Variants in ATRNL1 observed in about 807,000 individuals in gnomAD.
The protein encoded by ATRNL1 is attractin-like protein 1.
In ATRNL1, 95 loss-of-function variants were observed where a neutral mutation model predicts 182.7. The observed-to-expected ratio is 0.52, with a 90% confidence interval of 0.44 to 0.62. The LOEUF (loss-of-function observed/expected upper bound fraction) is 0.62, where lower values mean the gene tolerates loss of function less well. Ranked by LOEUF, ATRNL1 falls within the 20% of genes least tolerant of loss-of-function variation. ATRNL1 has a pLI of 0.00. For missense variants in ATRNL1, 1,471 were observed against 1,679.5 expected, an observed-to-expected ratio of 0.88 and a Z score of 2.17; for synonymous variants, 576 against 568.3, an observed-to-expected ratio of 1.01 and a Z score of -0.19.
intron 27 of ATRNL1, among the ~76,000 whole-genome samples, chr10:115,806,907 C>G (rs115017984): frequency 0.016 from 2,471 of 152,214 alleles, 81 homozygotes; most frequent in African/African-American, 0.057. Context: ...CAGCAATTAG[C>G]ATCTGTTTTT....
intron 25 of ATRNL1, among the ~76,000 whole-genome samples, chr10:115,541,279 C>A (rs1554991908): frequency 6.6e-6 from 1 of 151,624 alleles, no homozygotes; most frequent in East Asian, 1.9e-4. Context: ...CAAAAGAAGA[C>A]ATCCAAGTGT....
chr10:115,098,530 C>G (rs1372861268), intron 1 of ATRNL1, among the ~76,000 whole-genome samples: 1 of 140,364 alleles, frequency 7.1e-6, no homozygotes, highest in Admixed American at 7.7e-5. Flanking sequence ...GGCGCAATCT[C>G]GGCTCACTGC....
intron 27 of ATRNL1, among the ~76,000 whole-genome samples, chr10:115,816,113 A>G (rs1950158814): frequency 6.6e-6 from 1 of 152,184 alleles, no homozygotes; most frequent in African/African-American, 2.4e-5. Context: ...CATCAGTGTT[A>G]TCACTGAAAT....
intron 28 of ATRNL1, among the ~76,000 whole-genome samples, chr10:115,895,023 C>T (rs1555112171): frequency 6.6e-6 from 1 of 152,014 alleles, no homozygotes. Context: ...GCATGAGATC[C>T]AGAATAATGA....
rs1004053002 is a variant in ATRNL1, at chr10:115,093,654, C to A, written c.-97C>A. The A allele has an allele frequency of 7.6e-7, 1 of 1,314,928 alleles. No individual in the cohort carries two copies. Among genetic ancestry groups the A allele is most frequent in the South Asian group, 1.3e-5 (1 of 77,248 alleles). The allele number at this position is 1,314,928 out of a possible 1,614,324, so 81.5% of individuals were successfully genotyped here. A position where few individuals can be genotyped will look rare whatever the true frequency, so the allele number is the denominator to read the frequency against. On this transcript the variant is annotated 5_prime_UTR_variant, in exon 1 of 29. Transcript: ENST00000355044. The surrounding 1 kb of genome is among the most constrained non-coding windows in gnomAD (Gnocchi z 6.1). ...GGGCGCCGGTGAGGAGGAGGAGAAG[C>A]GGCGGCGGAGAGGTTTTCTGCGGCC...
At chr10:115,707,024 A>G (rs1946920207) in intron 26 of ATRNL1, among the ~76,000 whole-genome samples, 1 of 151,888 alleles carries the variant, frequency 6.6e-6, no homozygotes, top group Admixed American at 6.6e-5. Context: ...CTCAATTTTA[A>G]TTACTTATAT....
intron 20 of ATRNL1, among the ~76,000 whole-genome samples, chr10:115,416,684 A>C (rs1259899105): frequency 1.3e-5 from 2 of 152,206 alleles, no homozygotes; most frequent in African/African-American, 4.8e-5. Context: ...GTTTAGAGAA[A>C]ATAAAATTTC....
At position 115,325,132 on chromosome 10, in the gene ATRNL1, A is replaced by G. The variant is rs543330002; in HGVS notation, c.3038-9150A>G. On this transcript the variant is annotated intron_variant, in intron 18 of 28. Coordinates refer to ENST00000355044, the MANE Select transcript of ATRNL1 (RefSeq NM_207303.4). Reference sequence around the variant, plus strand: ...TTTGCATATCAAATGCTGAGTTGTCATTATATTTTATTTTGATTTTTTTCT... The same window carrying G: ...TTTGCATATCAAATGCTGAGTTGTCGTTATATTTTATTTTGATTTTTTTCT... Among the ~76,000 whole-genome samples the G allele has an allele frequency of 5.9e-5, 9 of 152,238 alleles. No individual in the cohort carries two copies. The South Asian group carries it at 1.7e-3, about 28-fold the overall frequency.
At chr10:115,406,361 A>G (rs1382666093) in intron 20 of ATRNL1, among the ~76,000 whole-genome samples, 1 of 151,834 alleles carries the variant, frequency 6.6e-6, no homozygotes, top group Non-Finnish European at 1.5e-5. Flanking sequence ...CAGTATTCTT[A>G]TATGTTTCCT....
rs59256867 is a variant in ATRNL1, at chr10:115,403,257, C to CTTTTTTTTTTTTTTTTTTT, written c.3269+8506_3269+8524dup. On this transcript the variant is annotated intron_variant, in intron 20 of 28. Coordinates refer to ENST00000355044, the MANE Select transcript of ATRNL1 (RefSeq NM_207303.4). The stretch of plus-strand genomic sequence containing the variant: ...CTTTATTTTTCCTAATTACTCTCAT[C>CTTTTTTTTTTTTTTTTTTT]TTTTTTTTTTTTTTTTTTTAGTCTG... Among the ~76,000 whole-genome samples, 72 of 107,416 alleles carry CTTTTTTTTTTTTTTTTTTT rather than the reference C, an allele frequency of 6.7e-4. 4 individuals are homozygous for CTTTTTTTTTTTTTTTTTTT. Among genetic ancestry groups the CTTTTTTTTTTTTTTTTTTT allele is most frequent in the African/African-American group, 3.4e-3 (69 of 20,380 alleles). 70.5% of individuals were successfully genotyped at this position (107,416 alleles called of 152,430 possible).
intron 26 of ATRNL1, among the ~76,000 whole-genome samples, chr10:115,698,309 A>G (rs1462797118): frequency 1.3e-5 from 2 of 152,190 alleles, no homozygotes; most frequent in African/African-American, 4.8e-5. Context: ...ATTTATATCC[A>G]CATGATTTTT....
chr10:115,630,845 C>CACAG (rs1482233618), intron 26 of ATRNL1, among the ~76,000 whole-genome samples: 3,023 of 140,412 alleles, frequency 0.022, 99 homozygotes, highest in African/African-American at 0.08. Context: ...CACACACACA[C>CACAG]ACACACACAC....
At chr10:115,879,309 A>AAAAAAAAAT (rs1456130836) in intron 28 of ATRNL1, among the ~76,000 whole-genome samples, 2 of 147,568 alleles carry the variant, frequency 1.4e-5, no homozygotes, top group African/African-American at 5.3e-5. Flanking sequence ...CTATCTCAAA[A>AAAAAAAAAT]AAAAAAGAAA....
At chr10:115,407,520 AAT>A (rs1844890612) in intron 20 of ATRNL1, among the ~76,000 whole-genome samples, 1 of 152,086 alleles carries the variant, frequency 6.6e-6, no homozygotes, top group Non-Finnish European at 1.5e-5. Context: ...CACTTCATGT[AAT>A]GTCTTCCAGT....
chr10:115,472,809 C>G (rs1205216845), intron 24 of ATRNL1, among the ~76,000 whole-genome samples: 3 of 151,050 alleles, frequency 2.0e-5, no homozygotes, highest in Non-Finnish European at 4.5e-5. Flanking sequence ...TTTTCTTCTT[C>G]TTTTCCAATT....
At chr10:115,326,634 T>C (rs1487116174) in intron 18 of ATRNL1, among the ~76,000 whole-genome samples, 4 of 151,870 alleles carry the variant, frequency 2.6e-5, no homozygotes, top group African/African-American at 9.7e-5. Flanking sequence ...AAGTCAATCC[T>C]AAGCCAAAAG....
intron 26 of ATRNL1, among the ~76,000 whole-genome samples, chr10:115,568,560 A>C (rs782518176): frequency 4.4e-4 from 67 of 152,138 alleles, no homozygotes; most frequent in Non-Finnish European, 8.5e-4. Context: ...TAGATTCTAA[A>C]TATAAAGCTC....
At chr10:115,184,479 G>A (rs890337636) in intron 8 of ATRNL1, among the ~76,000 whole-genome samples, 6 of 150,938 alleles carry the variant, frequency 4.0e-5, no homozygotes, top group Non-Finnish European at 7.4e-5. Flanking sequence ...ATATATACAT[G>A]TACTACTTTT....
intron 28 of ATRNL1, among the ~76,000 whole-genome samples, chr10:115,890,487 C>T (rs1354073721): frequency 2.0e-5 from 3 of 152,020 alleles, no homozygotes; most frequent in African/African-American, 7.2e-5. Context: ...ACTCACAGTC[C>T]CTATAAAATA....
Sources: allele counts gnomAD v4.1 joint callset (sites outside exome capture counted in the v4.1 genomes callset), GRCh38; gene constraint gnomAD v4.1.1; non-coding constraint Gnocchi (gnomAD v3.1); transcripts MANE v1.5; gene names NCBI Gene and HGNC (gene_info 2026-07-23, HGNC 2026-07-21).